The following ARHGAP6 variants were observed in gnomAD, a reference collection of about 807,000 sequenced individuals.
ARHGAP6 encodes Rho GTPase activating protein 6.
A neutral mutation model predicts 55.7 loss-of-function variants in ARHGAP6; 16 were observed. The observed-to-expected ratio is 0.29, with a 90% CI of 0.19 to 0.44. ARHGAP6 has a LOEUF of 0.44. Among genes scored for constraint, ARHGAP6 ranks in the 20% least tolerant of loss-of-function variants. The pLI, the probability that ARHGAP6 is intolerant of heterozygous loss-of-function variation, is 1.00. For synonymous variants in ARHGAP6, 382 were observed against 360.9 expected (o/e 1.06, Z -0.66); for missense variants, 698 against 808.9 (o/e 0.86, Z 1.66).
intron 1 of ARHGAP6, among the ~76,000 whole-genome samples, chrX:11,538,849 G>T (rs796858037): frequency 9.1e-4 from 78 of 86,180 alleles, no homozygotes; most frequent in East Asian, 5.8e-3. Context: ...TGTGTGTGTG[G>T]TTTTTTTTTT....
intron 1 of ARHGAP6, among the ~76,000 whole-genome samples, chrX:11,511,766 T>C (rs774382922): frequency 2.7e-5 from 3 of 111,493 alleles, no homozygotes; most frequent in South Asian, 7.7e-4. Context: ...GAAACAGACC[T>C]GGGGAAGTCA....
intron 12 of ARHGAP6, among the ~76,000 whole-genome samples, chrX:11,141,573 A>G (rs190309775): frequency 9.8e-5 from 11 of 112,478 alleles, no homozygotes; most frequent in Non-Finnish European, 5.6e-5. Context: ...AACAAATGCA[A>G]TTTTGTTTTT....
At position 11,656,243 on chromosome X, in the gene ARHGAP6, T is replaced by C. The variant is rs374095368; in HGVS notation, c.588+7998A>G. Among the ~76,000 whole-genome samples the C allele has an allele frequency of 3.6e-5, 4 of 112,539 alleles. No individual in the cohort carries two copies. In the East Asian group the frequency reaches 8.3e-4, roughly 23 times the overall value. ...TTCTCTAAATTCTTGAAGCATGCTA[T>C]GTTCCCTCTTAAATACACGCCATTC... On this transcript the variant is annotated intron_variant, in intron 1 of 12. Transcript: ENST00000337414.
chrX:11,503,030 G>A (rs1314498573), intron 1 of ARHGAP6, among the ~76,000 whole-genome samples: 1 of 110,535 alleles, frequency 9.0e-6, no homozygotes, highest in East Asian at 2.8e-4. Context: ...CAAGTAGCTG[G>A]GATTACAGAC....
intron 1 of ARHGAP6, among the ~76,000 whole-genome samples, chrX:11,388,103 G>T (rs1448796720): frequency 8.9e-6 from 1 of 111,907 alleles, no homozygotes; most frequent in East Asian, 2.8e-4. Context: ...GGTATTTCAA[G>T]TTCTAGATCC....
intron 1 of ARHGAP6, among the ~76,000 whole-genome samples, chrX:11,505,046 C>T (rs1010193137): frequency 4.5e-5 from 5 of 110,747 alleles, no homozygotes; most frequent in African/African-American, 6.6e-5. Flanking sequence ...AAATTTTCCC[C>T]GTAAAGACCA....
chrX:11,254,160 C>T (rs1045837459), intron 2 of ARHGAP6, among the ~76,000 whole-genome samples: 6 of 111,959 alleles, frequency 5.4e-5, no homozygotes, highest in Non-Finnish European at 1.1e-4. Context: ...ACAAGTTTAA[C>T]AGAGTGTTAA....
At chrX:11,254,804 AACCACCTTTG>A in intron 1 of ARHGAP6, 97 bp from the exon 2 acceptor site, 1 of 1,001,459 alleles carries the variant, frequency 1.0e-6, no homozygotes, top group Non-Finnish European at 1.3e-6. Context: ...AAGTCAAGCA[AACCACCTTTG>A]TGTTCCAAAA....
chrX:11,228,610 G>A (rs752768903), intron 2 of ARHGAP6, among the ~76,000 whole-genome samples: 2 of 112,156 alleles, frequency 1.8e-5, no homozygotes, highest in Non-Finnish European at 3.8e-5. Context: ...ATAAAATTGT[G>A]TCGGAGACCA....
chrX:11,366,177 A>G (rs990878866), intron 1 of ARHGAP6, among the ~76,000 whole-genome samples: 1 of 112,189 alleles, frequency 8.9e-6, no homozygotes, highest in African/African-American at 3.2e-5. Context: ...GGACGCAAAC[A>G]TTCAGTCCAT....
intron 8 of ARHGAP6, among the ~76,000 whole-genome samples, chrX:11,174,652 TTTC>T (rs2046174868): frequency 4.8e-5 from 4 of 83,647 alleles, no homozygotes; most frequent in South Asian, 6.1e-4. Context: ...TCTTTCTTTC[TTTC>T]TTTCTTTCTT....
chrX:11,609,239 A>G (rs1313527945), intron 1 of ARHGAP6, among the ~76,000 whole-genome samples: 1 of 111,794 alleles, frequency 8.9e-6, no homozygotes, highest in Non-Finnish European at 1.9e-5. Flanking sequence ...TTACATAGGA[A>G]GTGATCTCAA....
intron 1 of ARHGAP6, among the ~76,000 whole-genome samples, chrX:11,585,995 G>A (rs2051728962): frequency 9.0e-6 from 1 of 111,383 alleles, no homozygotes; most frequent in African/African-American, 3.3e-5. Flanking sequence ...CAGCTCCAAG[G>A]GAGGTCGTGG....
chrX:11,613,571 A>G (rs1370519417), intron 1 of ARHGAP6, among the ~76,000 whole-genome samples: 1 of 112,100 alleles, frequency 8.9e-6, no homozygotes, highest in African/African-American at 3.2e-5. Context: ...AGGTTCTGGG[A>G]AGCTCTGACA....
chrX:11,244,892 T>C (rs1054217854), intron 2 of ARHGAP6, among the ~76,000 whole-genome samples: 12 of 111,701 alleles, frequency 1.1e-4, no homozygotes, highest in African/African-American at 3.9e-4. Flanking sequence ...TCTGAGAACA[T>C]AAAGGAAGTA....
chrX:11,519,082 C>A (rs2050882876), intron 1 of ARHGAP6, among the ~76,000 whole-genome samples: 2 of 94,731 alleles, frequency 2.1e-5, no homozygotes, highest in Non-Finnish European at 4.1e-5. Context: ...GTGAATAATG[C>A]CGCAATAAAC....
At chrX:11,477,171 A>C in intron 1 of ARHGAP6, among the ~76,000 whole-genome samples, 1 of 106,982 alleles carries the variant, frequency 9.3e-6, no homozygotes, top group South Asian at 4.0e-4. Flanking sequence ...TAAAAAAAAA[A>C]AAACAATTTT....
At chrX:11,431,610 T>C (rs1351941691) in intron 1 of ARHGAP6, among the ~76,000 whole-genome samples, 1 of 111,624 alleles carries the variant, frequency 9.0e-6, no homozygotes, top group African/African-American at 3.3e-5. Flanking sequence ...TATGAGACCC[T>C]CTAAGATGGG....
rs1024482683 is a variant in ARHGAP6, at chrX:11,144,233, C to T, written c.1923G>A (p.Leu641=). 8.3e-7 allele frequency: 1 copy of T among 1,211,411 alleles called. No individual in the cohort carries two copies. Among genetic ancestry groups the T allele is most frequent in the Middle Eastern group, 2.3e-4 (1 of 4,353 alleles). Residue 641 remains leucine, a synonymous_variant, in exon 11 of 13, where the codon CTG becomes CTA. Coordinates refer to ENST00000337414, the MANE Select transcript of ARHGAP6 (RefSeq NM_013427.3). ...KASQSSSPDM[L]QSEVSFSVGG... ...CCACGGAAAAGGAAACTTCCGACTG[C>T]AGCATGTCAGGGCTTCTGGCACAAT...
Sources: gnomAD v4.1 joint callset for allele counts (sites outside exome capture counted in the v4.1 genomes callset) on GRCh38, gnomAD v4.1.1 for gene constraint, MANE v1.5 for transcripts, NCBI Gene and HGNC (gene_info 2026-07-23, HGNC 2026-07-21) for gene names.